SLC45A4: variants seen among roughly 807,000 people sequenced by gnomAD.
The protein encoded by SLC45A4 is solute carrier family 45 member 4.
SLC45A4 carries 32 observed loss-of-function variants against 63.7 expected under a neutral mutation model. That is an observed-to-expected ratio of 0.50 (90% CI 0.38 to 0.67). SLC45A4 has a LOEUF of 0.67. SLC45A4 is among the 30% of genes least tolerant of loss of function. The pLI is 0.00. For missense variants in SLC45A4, 1,027 were observed against 1,157.7 expected (o/e 0.89, Z 1.64); for synonymous variants, 535 against 510.0 (o/e 1.05, Z -0.66).
chr8:141,273,518 C>T (rs982934138), intron 1 of SLC45A4, among the ~76,000 whole-genome samples: 1 of 152,122 alleles, frequency 6.6e-6, no homozygotes, highest in African/African-American at 2.4e-5. Flanking sequence ...CTGTCACCCG[C>T]AGCGTGGGAG....
At position 141,248,893 on chromosome 8, in the gene SLC45A4, T is replaced by C. The variant is rs372208155; in HGVS notation, c.241+5096A>G. The stretch of plus-strand genomic sequence containing the variant: ...TTAGATGGGCGTGGTGGTGCACACC[T>C]GTAGTCCCAGCTACCTGGGAGGCTG... On this transcript the variant is annotated intron_variant, in intron 2 of 8. Transcript: ENST00000517878. Among the ~76,000 whole-genome samples, 365 of 152,028 alleles carry C rather than the reference T, an allele frequency of 2.4e-3. 2 individuals are homozygous for C. The highest frequency in any genetic ancestry group is 8.5e-3 in the African/African-American group (353 of 41,448).
rs34897440 is a variant in SLC45A4, at chr8:141,249,017, TAA to T, written c.241+4970_241+4971del. On this transcript the variant is annotated intron_variant, in intron 2 of 8. Transcript: ENST00000517878. ...TGGGTGACAGAGTGAGACCCCATCT[TAA>T]AAAAAAAAAAAAAAAAAAGACATGC... 4.4e-3 allele frequency among the ~76,000 whole-genome samples: 525 copies of T among 119,232 alleles called. 1 individual carries two copies. Among genetic ancestry groups the T allele is most frequent in the African/African-American group, 8.7e-3 (278 of 32,104 alleles). 78.2% of individuals were successfully genotyped at this position (119,232 alleles called of 152,430 possible).
intron 2 of SLC45A4, among the ~76,000 whole-genome samples, chr8:141,241,986 C>A (rs942269638): frequency 6.6e-6 from 1 of 152,084 alleles, no homozygotes; most frequent in African/African-American, 2.4e-5. Flanking sequence ...GCACGGACAG[C>A]GGGACAGCCC....
At chr8:141,263,758 A>G (rs998219727) in intron 1 of SLC45A4, among the ~76,000 whole-genome samples, 1 of 144,350 alleles carries the variant, frequency 6.9e-6, no homozygotes, top group African/African-American at 2.6e-5. Flanking sequence ...CGACAGAGCA[A>G]GACTCCGTCT....
intron 1 of SLC45A4, among the ~76,000 whole-genome samples, chr8:141,287,158 G>A (rs908134083): frequency 7.2e-5 from 11 of 152,090 alleles, no homozygotes; most frequent in African/African-American, 9.7e-5. Context: ...AACCACACAC[G>A]AAGGTGTGTG....
chr8:141,217,343 G>C (rs542744631), intron 5 of SLC45A4, among the ~76,000 whole-genome samples, 154 bp from the exon 6 acceptor site: 255 of 152,346 alleles, frequency 1.7e-3, no homozygotes, highest in African/African-American at 4.5e-3. Flanking sequence ...CAAGTCGGTT[G>C]CTATCTGTAA....
chr8:141,244,899 G>T (rs1400082783), intron 2 of SLC45A4, among the ~76,000 whole-genome samples: 1 of 140,774 alleles, frequency 7.1e-6, no homozygotes, highest in Non-Finnish European at 1.5e-5. Context: ...CCAGGGCCCA[G>T]AAAACCTCTG....
rs1192055050 is a variant in SLC45A4 at position 141,308,239 on chromosome 8, CCGGG to C, written c.-548_-545del. On this transcript the variant is annotated 5_prime_UTR_variant, in exon 1 of 9. Coordinates refer to ENST00000517878, the MANE Select transcript of SLC45A4 (RefSeq NM_001286646.2). ...GGGGGCTGCTCCCTCGGCCGGCCGG[CCGGG>C]CGGTCAGTCAGCGACGCGGGCGCGG... 1.4e-5 allele frequency: 2 copies of C among 147,662 alleles called. No homozygotes were observed. The highest frequency in any genetic ancestry group is 4.9e-5 in the African/African-American group (2 of 40,980). The allele number at this position is 147,662 out of a possible 1,614,324, so 9.1% of individuals were successfully genotyped here. A position where few individuals can be genotyped will look rare whatever the true frequency, so the allele number is the denominator to read the frequency against.
chr8:141,304,565 A>AG (rs1336067665), intron 1 of SLC45A4, among the ~76,000 whole-genome samples: 9 of 151,498 alleles, frequency 5.9e-5, no homozygotes, highest in African/African-American at 2.2e-4. Context: ...TCAAAAAAAA[A>AG]AAAAAAAAGG....
intron 2 of SLC45A4, among the ~76,000 whole-genome samples, chr8:141,233,689 TAAAC>T (rs1008366994): frequency 3.3e-4 from 50 of 149,260 alleles, no homozygotes; most frequent in African/African-American, 1.2e-3. Context: ...TGTCTCACAA[TAAAC>T]AAATAAATAA....
chr8:141,266,268 G>A (rs1317029885), intron 1 of SLC45A4, among the ~76,000 whole-genome samples: 1 of 152,176 alleles, frequency 6.6e-6, no homozygotes, highest in South Asian at 2.1e-4. Flanking sequence ...GCACGCATGG[G>A]CCTGACACCA....
In SLC45A4 at chr8:141,229,396, C is replaced by A. The variant is rs1827218157; in HGVS notation, c.242-7631G>T. On this transcript the variant is annotated intron_variant, in intron 2 of 8. Coordinates refer to ENST00000517878, the MANE Select transcript of SLC45A4 (RefSeq NM_001286646.2). This position sits in a 1 kb window ranked among gnomAD's most constrained non-coding sequence, Gnocchi z 5.0. Reference sequence around the variant, plus strand: ...CTCCACACCAGACTCCAACCGCCCACCCCACCCTACCTCCTCTTCTAGAAA... The same window carrying A: ...CTCCACACCAGACTCCAACCGCCCAACCCACCCTACCTCCTCTTCTAGAAA... Among the ~76,000 whole-genome samples the A allele has an allele frequency of 6.6e-6, 1 of 152,140 alleles. No homozygotes were observed. Among genetic ancestry groups the A allele is most frequent in the South Asian group, 2.1e-4 (1 of 4,826 alleles).
intron 2 of SLC45A4, among the ~76,000 whole-genome samples, chr8:141,251,070 G>T (rs1828443080): frequency 6.6e-6 from 1 of 152,114 alleles, no homozygotes; most frequent in Admixed American, 6.6e-5. Context: ...GGAACCGGAG[G>T]TTCTAAATTT....
Position 141,212,480 on chromosome 8 carries a change from A to G in SLC45A4, c.2018T>C (p.Ile673Thr). 6.2e-7 allele frequency: 1 copy of G among 1,613,946 alleles called. No homozygotes were observed. Among genetic ancestry groups the G allele is most frequent in the Non-Finnish European group, 8.5e-7 (1 of 1,180,034 alleles). Residue 673 changes from isoleucine to threonine, a missense_variant, in exon 8 of 9, where the codon ATC (isoleucine) becomes ACC (threonine). Physicochemically the swap from Ile to Thr is moderately conservative, Grantham distance 89. Coordinates refer to ENST00000517878, the MANE Select transcript of SLC45A4 (RefSeq NM_001286646.2). ...DCAILSCQVY[I>T]SQILVASALG... ...GGCAGAGGCCACCAGGATCTGCGAG[A>G]TGTACACTTGGCAGGACAGGATGGC...
At chr8:141,295,899 T>C (rs1830531405) in intron 1 of SLC45A4, among the ~76,000 whole-genome samples, 1 of 152,236 alleles carries the variant, frequency 6.6e-6, no homozygotes, top group South Asian at 2.1e-4. Flanking sequence ...GCTTTGGTGC[T>C]GGAGCCCTTG....
At chr8:141,222,179 G>A (rs372164870) in intron 2 of SLC45A4, among the ~76,000 whole-genome samples, 1 of 152,372 alleles carries the variant, frequency 6.6e-6, no homozygotes, top group Admixed American at 6.5e-5. Context: ...GCAGGCACAG[G>A]GCCACTGTCC....
chr8:141,233,397 A>T (rs552993755), intron 2 of SLC45A4, among the ~76,000 whole-genome samples: 39 of 152,350 alleles, frequency 2.6e-4, no homozygotes, highest in African/African-American at 8.9e-4. Context: ...AAAATTAAAA[A>T]AAACACAGCC....
chr8:141,252,002 G>T (rs1828490888), intron 2 of SLC45A4, among the ~76,000 whole-genome samples: 1 of 144,604 alleles, frequency 6.9e-6, no homozygotes, highest in African/African-American at 2.6e-5. Flanking sequence ...GAGGCTGAGT[G>T]AGCGCTCACG....
chr8:141,300,105 T>A (rs942835176), intron 1 of SLC45A4, among the ~76,000 whole-genome samples: 4 of 152,192 alleles, frequency 2.6e-5, no homozygotes, highest in Non-Finnish European at 5.9e-5. Context: ...CATGGCCGAA[T>A]TGGAAGTGAC....
Sources: gnomAD v4.1 joint callset for allele counts (sites outside exome capture counted in the v4.1 genomes callset) on GRCh38, gnomAD v4.1.1 for gene constraint, Gnocchi (gnomAD v3.1) non-coding constraint, MANE v1.5 for transcripts, NCBI Gene and HGNC (gene_info 2026-07-23, HGNC 2026-07-21) for gene names.